Variants in HEXA observed in about 807,000 individuals in gnomAD.
HEXA encodes hexosaminidase subunit alpha.
A neutral mutation model predicts 73.3 loss-of-function variants in HEXA; 54 were observed. The ratio of observed to expected loss-of-function variants is 0.74; its 90% confidence interval spans 0.59 to 0.92. The LOEUF is 0.92. Ranked by LOEUF, HEXA falls within the 40% of genes least tolerant of loss-of-function variation. The probability of loss-of-function intolerance (pLI) is 0.00; values close to 1 mark genes in which losing one functional copy is unlikely to be tolerated. For missense variants in HEXA, 649 were observed against 653.0 expected (o/e 0.99, Z 0.07); for synonymous variants, 230 against 246.9 (o/e 0.93, Z 0.64).
At position 72,356,597 on chromosome 15, in the gene HEXA, T is replaced by C; in HGVS notation, c.274A>G (p.Lys92Glu). Residue 92 changes from lysine (K) to glutamate (E), a missense_variant, in exon 2 of 14, where the codon AAG (lysine) becomes GAG (glutamate). By Grantham distance (56) the Lys-to-Glu change is moderately conservative (BLOSUM62 1). Coordinates refer to ENST00000268097, the MANE Select transcript of HEXA (RefSeq NM_000520.6). Reference sequence around the variant, plus strand: ...ACTACAGAGACAACCAACACATTCTTCTCCAGTGTATGCCGTTTCCCTAGG... The same window carrying C: ...ACTACAGAGACAACCAACACATTCTCCTCCAGTGTATGCCGTTTCCCTAGG... ...YLTGKRHTLE[K>E]NVLVVSVVTP... 2 of 1,614,070 alleles carry C rather than the reference T, an allele frequency of 1.2e-6. No homozygotes were observed. The highest frequency in any genetic ancestry group is 8.5e-7 in the Non-Finnish European group (1 of 1,179,968).
At position 72,347,777 on chromosome 15, in the gene HEXA, T is replaced by A. The variant is rs770559759; in HGVS notation, c.1074-19A>T. 1 of 1,611,038 alleles carries A rather than the reference T, an allele frequency of 6.2e-7. No homozygotes were observed. ...CAGCAGCCTGGAGAGGAGAGGAGTG[T>A]CTAGTAAGTGTCTGCTTAGCTCAGA... On this transcript the variant is annotated intron_variant, in intron 9 of 13. Transcript: ENST00000268097.
Position 72,375,943 on chromosome 15 carries a change from C to T in HEXA, c.30G>A (p.Leu10=), listed in dbSNP as rs1234034103. The change falls in exon 1 of 14, where the codon CTG becomes CTA. Residue 10 remains leucine, a synonymous_variant. Coordinates refer to ENST00000268097, the MANE Select transcript of HEXA (RefSeq NM_000520.6). MTSSRLWFS[L]LLAAAFAGRA... is the part of the protein sequence containing the mutation. The stretch of plus-strand genomic sequence containing the variant: ...GTCCTGCGAACGCTGCCGCCAGCAG[C>T]AGCGAAAACCAAAGCCTGGAGCTTG... 1.2e-6 allele frequency: 2 copies of T among 1,614,110 alleles called. No individual in the cohort carries two copies. The highest frequency in any genetic ancestry group is 2.2e-5 in the South Asian group (2 of 91,088).
chr15:72,346,903 C>T (rs2088622603), intron 10 of HEXA, 193 bp from the exon 11 acceptor site: 7 of 630,666 alleles, frequency 1.1e-5, no homozygotes, highest in Admixed American at 2.3e-5. Context: ...CCCTAAGAGG[C>T]CTCCCTGCAG....
At chr15:72,363,156 A>T (rs1285575581) in intron 1 of HEXA, among the ~76,000 whole-genome samples, 1 of 152,060 alleles carries the variant, frequency 6.6e-6, no homozygotes, top group African/African-American at 2.4e-5. Context: ...TATATCATTC[A>T]TTTCCCACTC....
chr15:72,342,288 G>A lies in HEXA; in HGVS notation c.*1789C>T, dbSNP rs528327551. ...TCCTTACAGGAACAGCACAAGGCTAGGCTTGTCTACCTCCCACCAGGACCT... is the reference window on the plus strand; with the variant it reads ...TCCTTACAGGAACAGCACAAGGCTAAGCTTGTCTACCTCCCACCAGGACCT... On this transcript the variant is annotated 3_prime_UTR_variant, in exon 14 of 14. Transcript: ENST00000268097. 2.0e-4 allele frequency: 30 copies of A among 152,322 alleles called. No individual in the cohort carries two copies. The highest frequency in any genetic ancestry group is 7.2e-4 in the African/African-American group (30 of 41,562). 9.4% of individuals were successfully genotyped at this position (152,322 alleles called of 1,614,324 possible). A position where few individuals can be genotyped will look rare whatever the true frequency, so the allele number is the denominator to read the frequency against.
Position 72,343,739 on chromosome 15 carries a change from A to G in HEXA, c.*338T>C, listed in dbSNP as rs1399396660. 2.9e-6 allele frequency: 1 copy of G among 345,894 alleles called. No individual in the cohort carries two copies. The highest frequency in any genetic ancestry group is 5.7e-6 in the Non-Finnish European group (1 of 176,620). The allele number at this position is 345,894 out of a possible 1,614,324, so 21.4% of individuals were successfully genotyped here. A position where few individuals can be genotyped will look rare whatever the true frequency, so the allele number is the denominator to read the frequency against. On this transcript the variant is annotated 3_prime_UTR_variant, in exon 14 of 14. Transcript: ENST00000268097. ...GTGGGAGGGGAGTGACATAGCTCAC[A>G]GGCAAGGCAGAACAGCACAAAGGCT... is the stretch of plus-strand genomic sequence containing the variant.
At chr15:72,369,613 C>CTAGT (rs1286318866) in intron 1 of HEXA, among the ~76,000 whole-genome samples, 1 of 152,198 alleles carries the variant, frequency 6.6e-6, no homozygotes, top group Admixed American at 6.5e-5. Context: ...TCTCAGCTAA[C>CTAGT]TGCAACCTCC....
At chr15:72,372,876 T>C (rs1387680578) in intron 1 of HEXA, among the ~76,000 whole-genome samples, 1 of 152,238 alleles carries the variant, frequency 6.6e-6, no homozygotes, top group Non-Finnish European at 1.5e-5. Context: ...TTCCACCCTG[T>C]AATCCCAGGA....
chr15:72,344,525 A>G (rs1289599830), intron 13 of HEXA, among the ~76,000 whole-genome samples: 8 of 152,168 alleles, frequency 5.3e-5, no homozygotes, highest in African/African-American at 1.9e-4. Context: ...TGACTCTAAA[A>G]TGCTGTAAAT....
chr15:72,353,720 G>A lies in HEXA; in HGVS notation c.430C>T (p.Gln144Ter), dbSNP rs1595802191. The change falls in exon 4 of 14, where the codon CAG (glutamine) becomes TAG (stop). Residue 144 changes from glutamine to a stop codon, truncating the protein, a stop_gained. Transcript: ENST00000268097. LOFTEE classifies it high-confidence loss of function. ...GALRGLETFSQLVWKSAEGTF... is the reference protein window; with the variant it reads ...GALRGLETFS ...CCCTCAGCAGATTTCCAAACAAGCT[G>A]GCTAAAAGTCTCCAGACCTAGGAAG... 1 of 1,612,990 alleles carries A rather than the reference G, an allele frequency of 6.2e-7. No homozygotes were observed. Among genetic ancestry groups the A allele is most frequent in the South Asian group, 1.1e-5 (1 of 91,060 alleles).
intron 1 of HEXA, among the ~76,000 whole-genome samples, chr15:72,366,600 C>A (rs2088919502): frequency 6.6e-6 from 1 of 151,966 alleles, no homozygotes; most frequent in African/African-American, 2.4e-5. Flanking sequence ...TGTGAGCCAC[C>A]ATGCCCAACC....
Position 72,375,812 on chromosome 15 carries a change from G to A in HEXA, c.161C>T (p.Ala54Val). ...GTCGAGGACTGAGCAGCCGGGCTGC[G>A]CGGCCGAGCTGACATCGTACTGGAA... Reference protein sequence around the residue: ...FQFQYDVSSAAQPGCSVLDEA... With the variant: ...FQFQYDVSSAVQPGCSVLDEA... The change falls in exon 1 of 14, where the codon GCG becomes GTG. Residue 54 changes from alanine to valine, a missense_variant. Coordinates refer to ENST00000268097, the MANE Select transcript of HEXA (RefSeq NM_000520.6). The A allele has an allele frequency of 6.2e-7, 1 of 1,614,272 alleles. No individual in the cohort carries two copies. Among genetic ancestry groups the A allele is most frequent in the Non-Finnish European group, 8.5e-7 (1 of 1,180,050 alleles).
At chr15:72,354,530 T>G (rs1346422638) in intron 3 of HEXA, 1 of 152,336 alleles carries the variant, frequency 6.6e-6, no homozygotes, top group Admixed American at 6.5e-5. Context: ...GCACCTGATT[T>G]GAGCAGACTG....
In HEXA at chr15:72,346,816, C is replaced by A. The variant is rs564679855; in HGVS notation, c.1147-106G>T. On this transcript the variant is annotated intron_variant, in intron 10 of 13. Transcript: ENST00000268097. ...ACAACAGGTATGTGCTCCCTCTGTT[C>A]CCCAGCAGCAAAGTATGTCTCTGTG... 85 of 1,036,654 alleles carry A rather than the reference C, an allele frequency of 8.2e-5. No individual in the cohort carries two copies. In the South Asian group the frequency reaches 1.0e-3, roughly 13 times the overall value. The allele number at this position is 1,036,654 out of a possible 1,614,324, so 64.2% of individuals were successfully genotyped here.
chr15:72,350,266 A>G (rs949992144), intron 7 of HEXA: 2 of 501,750 alleles, frequency 4.0e-6, no homozygotes, highest in Admixed American at 3.2e-5. Context: ...CACTCTAGGC[A>G]CAACTACCTG....
intron 1 of HEXA, chr15:72,370,697 TAAA>T: frequency 3.0e-6 from 1 of 338,638 alleles, no homozygotes; most frequent in Non-Finnish European, 5.1e-6. Flanking sequence ...ACCTGTTTCT[TAAA>T]AAAAAAAAGA....
chr15:72,366,209 TA>T (rs1472407405), intron 1 of HEXA, among the ~76,000 whole-genome samples: 1 of 152,174 alleles, frequency 6.6e-6, no homozygotes, highest in Non-Finnish European at 1.5e-5. Context: ...CACCAAGTAA[TA>T]AAACACCTTT....
chr15:72,341,533 T>G lies in HEXA; in HGVS notation c.*2544A>C, dbSNP rs1435214390. The G allele has an allele frequency of 6.6e-6, 1 of 152,130 alleles. No homozygotes were observed. Among genetic ancestry groups the G allele is most frequent in the African/African-American group, 2.4e-5 (1 of 41,388 alleles). The allele number at this position is 152,130 out of a possible 1,614,324, so 9.4% of individuals were successfully genotyped here. A position where few individuals can be genotyped will look rare whatever the true frequency, so the allele number is the denominator to read the frequency against. ...GGAAGGGGTGGGGGTGGGGAGCGAC[T>G]GGAGAACTCTTTTCCTAGGATGACT... On this transcript the variant is annotated 3_prime_UTR_variant, in exon 14 of 14. Transcript: ENST00000268097.
intron 8 of HEXA, 128 bp from the exon 9 acceptor site, chr15:72,348,262 A>G: frequency 5.5e-6 from 4 of 729,568 alleles, no homozygotes; most frequent in Non-Finnish European, 9.7e-6. Flanking sequence ...AGGATCTCAG[A>G]AGCCCTACAT....
Sources: gnomAD v4.1 joint callset for allele counts (sites outside exome capture counted in the v4.1 genomes callset) on GRCh38, gnomAD v4.1.1 for gene constraint, MANE v1.5 for transcripts, NCBI Gene and HGNC (gene_info 2026-07-23, HGNC 2026-07-21) for gene names.